The following CAMKMT variants were observed in gnomAD, a reference collection of about 807,000 sequenced individuals.
The protein encoded by CAMKMT is calmodulin-lysine N-methyltransferase.
A neutral mutation model predicts 48.0 loss-of-function variants in CAMKMT; 53 were observed. The ratio of observed to expected loss-of-function variants is 1.10; its 90% CI spans 0.89 to 1.39. CAMKMT has a LOEUF of 1.39. Among genes scored for constraint, CAMKMT ranks in the 40% most tolerant of loss-of-function variants. The pLI is 0.00. For synonymous variants in CAMKMT, 165 were observed against 152.3 expected (o/e 1.08, Z -0.61); for missense variants, 428 against 402.7 (o/e 1.06, Z -0.54).
rs1379871072 is a variant in CAMKMT, at chr2:44,657,472, A to G, written c.377-46811A>G. ...ATTGGCAGATCAGAAATTTGGTTAC[A>G]TGTGCCATCAAGATATTTCTGGCCA... On this transcript the variant is annotated intron_variant, in intron 3 of 10. Coordinates refer to ENST00000378494, the MANE Select transcript of CAMKMT (RefSeq NM_024766.5). This position sits in a 1 kb window ranked among gnomAD's most constrained non-coding sequence, Gnocchi z 4.3. Among the ~76,000 whole-genome samples the G allele has an allele frequency of 6.6e-6, 1 of 152,216 alleles. No homozygotes were observed. Among genetic ancestry groups the G allele is most frequent in the Non-Finnish European group, 1.5e-5 (1 of 68,028 alleles).
intron 3 of CAMKMT, among the ~76,000 whole-genome samples, chr2:44,649,369 G>T (rs138054478): frequency 1.3e-5 from 2 of 152,000 alleles, no homozygotes; most frequent in Non-Finnish European, 2.9e-5. Flanking sequence ...GTGCTCAGAC[G>T]GCTCTAGTCA....
chr2:44,686,004 A>G (rs1042440825), intron 3 of CAMKMT, among the ~76,000 whole-genome samples: 2 of 152,190 alleles, frequency 1.3e-5, no homozygotes, highest in African/African-American at 4.8e-5. Context: ...GGAAGGCAAT[A>G]TATGATAGAT....
Position 44,626,534 on chromosome 2 carries a change from C to T in CAMKMT, c.377-77749C>T, listed in dbSNP as rs537514333. 5.3e-5 allele frequency among the ~76,000 whole-genome samples: 8 copies of T among 152,234 alleles called. No individual in the cohort carries two copies. The South Asian group carries it at 1.7e-3, about 32-fold the overall frequency. On this transcript the variant is annotated intron_variant, in intron 3 of 10. Coordinates refer to ENST00000378494, the MANE Select transcript of CAMKMT (RefSeq NM_024766.5). ...TTATAAAAAACAGAAATTTATTTCT[C>T]AGTTTTGGAAGCTGGGAAGTCCTCA...
At chr2:44,392,306 G>A (rs575626709) in intron 3 of CAMKMT, among the ~76,000 whole-genome samples, 2 of 152,106 alleles carry the variant, frequency 1.3e-5, no homozygotes, top group East Asian at 3.9e-4. Context: ...CTTAAAATAT[G>A]TTGTTTTGTG....
chr2:44,370,349 T>C (rs1679032659), intron 1 of CAMKMT, among the ~76,000 whole-genome samples: 1 of 152,262 alleles, frequency 6.6e-6, no homozygotes, highest in African/African-American at 2.4e-5. Context: ...ATTCAGTTTT[T>C]GAAATAGTTT....
intron 3 of CAMKMT, among the ~76,000 whole-genome samples, chr2:44,447,980 TA>T (rs1327013448): frequency 2.0e-5 from 3 of 152,250 alleles, no homozygotes; most frequent in African/African-American, 7.2e-5. Context: ...ATTTTAAATT[TA>T]TAAGTGGTAT....
intron 3 of CAMKMT, among the ~76,000 whole-genome samples, chr2:44,500,892 G>A (rs985466684): frequency 6.6e-6 from 1 of 151,838 alleles, no homozygotes; most frequent in Non-Finnish European, 1.5e-5. Flanking sequence ...ATGTTGACCA[G>A]ACTGGTCTTG....
At chr2:44,578,421 T>A (rs1022001153) in intron 3 of CAMKMT, among the ~76,000 whole-genome samples, 2 of 152,196 alleles carry the variant, frequency 1.3e-5, no homozygotes, top group African/African-American at 4.8e-5. Flanking sequence ...AATGTTATAC[T>A]GTCACCTAGA....
intron 3 of CAMKMT, among the ~76,000 whole-genome samples, chr2:44,560,120 A>C (rs1668243734): frequency 6.6e-6 from 1 of 152,194 alleles, no homozygotes; most frequent in Non-Finnish European, 1.5e-5. Flanking sequence ...ATATTTGAAT[A>C]GGCTAGAGCT....
chr2:44,406,238 A>G (rs1248152875), intron 3 of CAMKMT, among the ~76,000 whole-genome samples: 1 of 152,078 alleles, frequency 6.6e-6, no homozygotes. Flanking sequence ...GCATTGCTCC[A>G]AAAGTTCCTA....
chr2:44,451,746 C>T (rs370430741), intron 3 of CAMKMT, among the ~76,000 whole-genome samples: 15 of 151,732 alleles, frequency 9.9e-5, no homozygotes, highest in East Asian at 1.9e-4. Flanking sequence ...AAAACAAACA[C>T]GGTAAAATGT....
chr2:44,500,114 A>G (rs1049935098), intron 3 of CAMKMT, among the ~76,000 whole-genome samples: 1 of 152,170 alleles, frequency 6.6e-6, no homozygotes, highest in Non-Finnish European at 1.5e-5. Flanking sequence ...GAAACTGTTG[A>G]CTAAAATATA....
At position 44,657,579 on chromosome 2, in the gene CAMKMT, C is replaced by CT. The variant is rs1291863534; in HGVS notation, c.377-46698dup. 6.6e-6 allele frequency among the ~76,000 whole-genome samples: 1 copy of CT among 152,116 alleles called. No homozygotes were observed. The highest frequency in any genetic ancestry group is 2.4e-5 in the African/African-American group (1 of 41,414). ...AGTTCATGAATAGATGGACATAGAA[C>CT]TTTTTTCGGAACAATTCATGTCCCT... On this transcript the variant is annotated intron_variant, in intron 3 of 10. Coordinates refer to ENST00000378494, the MANE Select transcript of CAMKMT (RefSeq NM_024766.5). This position sits in a 1 kb window ranked among gnomAD's most constrained non-coding sequence, Gnocchi z 4.3.
At chr2:44,367,891 A>G (rs1678775027) in intron 1 of CAMKMT, among the ~76,000 whole-genome samples, 1 of 152,182 alleles carries the variant, frequency 6.6e-6, no homozygotes, top group Non-Finnish European at 1.5e-5. Context: ...TTCAACCAAT[A>G]CTTTTGTGTT....
intron 10 of CAMKMT, among the ~76,000 whole-genome samples, chr2:44,769,954 A>G (rs2104411589): frequency 6.6e-6 from 1 of 152,344 alleles, no homozygotes. Flanking sequence ...ATTATGAAGT[A>G]AAGCATAATG....
intron 3 of CAMKMT, among the ~76,000 whole-genome samples, chr2:44,605,061 T>A (rs1671208126): frequency 6.6e-6 from 1 of 152,152 alleles, no homozygotes; most frequent in Non-Finnish European, 1.5e-5. Flanking sequence ...TCTCACCTTC[T>A]GTCTGTCTTC....
chr2:44,716,273 A>G (rs1678170778), intron 7 of CAMKMT, among the ~76,000 whole-genome samples: 1 of 152,052 alleles, frequency 6.6e-6, no homozygotes, highest in Admixed American at 6.6e-5. Context: ...TTTATTAGTT[A>G]TATAAACTAC....
intron 3 of CAMKMT, among the ~76,000 whole-genome samples, chr2:44,495,200 G>C (rs929320638): frequency 6.6e-6 from 1 of 152,150 alleles, no homozygotes; most frequent in Non-Finnish European, 1.5e-5. Flanking sequence ...AATGGTAGTA[G>C]TGTGATCATA....
intron 3 of CAMKMT, among the ~76,000 whole-genome samples, chr2:44,666,699 C>T (rs372128069): frequency 6.6e-6 from 1 of 151,628 alleles, no homozygotes; most frequent in African/African-American, 2.4e-5. Context: ...GAGCCTCCGC[C>T]TCCTGGGTTC....
Sources: gnomAD v4.1 joint callset for allele counts (sites outside exome capture counted in the v4.1 genomes callset) on GRCh38, gnomAD v4.1.1 for gene constraint, Gnocchi (gnomAD v3.1) non-coding constraint, MANE v1.5 for transcripts, NCBI Gene and HGNC (gene_info 2026-07-23, HGNC 2026-07-21) for gene names.